The following ATF2 variants were observed in gnomAD, a reference collection of about 807,000 sequenced individuals.
ATF2 encodes activating transcription factor 2, also known as cyclic AMP-dependent transcription factor ATF-2.
In ATF2, 24 loss-of-function variants were observed where a neutral mutation model predicts 60.6. The observed-to-expected ratio is 0.40, with a 90% CI of 0.29 to 0.56. The LOEUF is 0.56. ATF2 is among the 20% of genes least tolerant of loss of function. The pLI is 0.54. For synonymous variants in ATF2, 206 were observed against 215.4 expected (o/e 0.96, Z 0.38); for missense variants, 433 against 607.7 (o/e 0.71, Z 3.02).
rs556187035 is a variant in ATF2 at position 175,130,013 on chromosome 2, T to C, written c.102+125A>G. On this transcript the variant is annotated intron_variant, in intron 4 of 13. Coordinates refer to ENST00000264110, the MANE Select transcript of ATF2 (RefSeq NM_001880.4). ...CTTGCCAAAAGTTTCCTGGGTTTTT[T>C]TTCATCCTAACTCTAAAATTTTACA... is the stretch of plus-strand genomic sequence containing the variant. The C allele has an allele frequency of 2.9e-5, 21 of 736,736 alleles. No homozygotes were observed. In the South Asian group the frequency reaches 6.0e-4, roughly 21 times the overall value. The allele number at this position is 736,736 out of a possible 1,614,324, so 45.6% of individuals were successfully genotyped here. A position where few individuals can be genotyped will look rare whatever the true frequency, so the allele number is the denominator to read the frequency against.
intron 1 of ATF2, among the ~76,000 whole-genome samples, chr2:175,166,188 A>C (rs373557450): frequency 3.9e-5 from 6 of 152,222 alleles, no homozygotes; most frequent in African/African-American, 1.2e-4. Context: ...CCTTCCTGAC[A>C]ATTAAAATAC....
intron 5 of ATF2, 122 bp from the exon 6 acceptor site, chr2:175,118,491 G>T: frequency 1.3e-6 from 1 of 798,280 alleles, no homozygotes. Flanking sequence ...TCTTTGGAAA[G>T]ACCTCTTCCT....
chr2:175,142,802 AAG>A (rs1302395060), intron 2 of ATF2, among the ~76,000 whole-genome samples: 2 of 136,758 alleles, frequency 1.5e-5, no homozygotes, highest in Non-Finnish European at 1.6e-5. Context: ...GAGAAACAGA[AAG>A]AGAGAGCAAC....
chr2:175,124,365 T>A (rs1323002904), intron 4 of ATF2, among the ~76,000 whole-genome samples: 1 of 151,750 alleles, frequency 6.6e-6, no homozygotes, highest in Non-Finnish European at 1.5e-5. Flanking sequence ...GGGTAACCTG[T>A]CAGATGGGAA....
At chr2:175,143,936 G>C (rs953132154) in intron 2 of ATF2, among the ~76,000 whole-genome samples, 3 of 151,878 alleles carry the variant, frequency 2.0e-5, no homozygotes, top group Admixed American at 2.0e-4. Flanking sequence ...TGGAACCACA[G>C]GTGTATACCA....
intron 10 of ATF2, among the ~76,000 whole-genome samples, chr2:175,098,742 AT>A (rs1695109842): frequency 6.6e-6 from 1 of 152,204 alleles, no homozygotes; most frequent in Non-Finnish European, 1.5e-5. Flanking sequence ...AGACCCCCAA[AT>A]AATACCAGTA....
intron 1 of ATF2, among the ~76,000 whole-genome samples, 159 bp from the exon 2 acceptor site, chr2:175,151,317 T>C (rs1282161509): frequency 6.6e-6 from 1 of 152,166 alleles, no homozygotes; most frequent in African/African-American, 2.4e-5. Flanking sequence ...TTTTTCAATA[T>C]AAAACTTAAG....
intron 4 of ATF2, among the ~76,000 whole-genome samples, chr2:175,128,227 G>A (rs140819550): frequency 1.1e-3 from 166 of 152,296 alleles, no homozygotes; most frequent in African/African-American, 3.6e-3. Context: ...CTGGCTGGGC[G>A]CGGTGGCTCA....
chr2:175,165,042 T>G (rs1407143940), intron 1 of ATF2, among the ~76,000 whole-genome samples: 5 of 151,964 alleles, frequency 3.3e-5, no homozygotes, highest in Admixed American at 2.6e-4. Context: ...AGGCTGGTCT[T>G]GAACTCCTGA....
intron 2 of ATF2, among the ~76,000 whole-genome samples, chr2:175,136,706 A>T (rs561227635): frequency 1.3e-5 from 2 of 152,282 alleles, no homozygotes; most frequent in African/African-American, 4.8e-5. Context: ...CACCAAAGGG[A>T]TTAAAAGTGG....
chr2:175,095,365 T>C (rs569294467), intron 11 of ATF2, among the ~76,000 whole-genome samples: 1 of 152,344 alleles, frequency 6.6e-6, no homozygotes, highest in Middle Eastern at 3.4e-3. Flanking sequence ...GTGCTGGGAT[T>C]ATAGGCGTGA....
chr2:175,083,404 C>T (rs1242207383), intron 12 of ATF2, among the ~76,000 whole-genome samples: 2 of 152,134 alleles, frequency 1.3e-5, no homozygotes, highest in East Asian at 3.8e-4. Context: ...GGAAAGGATT[C>T]CCTATTTAAT....
rs191951371 is a variant in ATF2 at position 175,164,598 on chromosome 2, T to C, written c.-143+3452A>G. On this transcript the variant is annotated intron_variant, in intron 1 of 13. Transcript: ENST00000264110. ...AAAGATCCACAAATTTCCTTGATTT[T>C]CTATGAAACTATCTTATACCTTACT... Among the ~76,000 whole-genome samples the C allele has an allele frequency of 2.0e-5, 3 of 152,342 alleles. No individual in the cohort carries two copies. In the East Asian group the frequency reaches 5.8e-4, roughly 29 times the overall value.
intron 2 of ATF2, among the ~76,000 whole-genome samples, chr2:175,141,349 T>A (rs146912946): frequency 0.013 from 2,051 of 151,990 alleles, 26 homozygotes; most frequent in Middle Eastern, 0.024. Context: ...TCTCTCTGTC[T>A]CCTACTGGCA....
At chr2:175,114,501 T>C in intron 8 of ATF2, 189 bp downstream of exon 8, 1 of 1,303,896 alleles carries the variant, frequency 7.7e-7, no homozygotes, top group Non-Finnish European at 9.8e-7. Flanking sequence ...TTTAGTTGTA[T>C]TTATCTCCCA....
At chr2:175,075,053 C>G in intron 13 of ATF2, 1 of 1,414,220 alleles carries the variant, frequency 7.1e-7, no homozygotes, top group Non-Finnish European at 9.2e-7. Context: ...TCTGGGTGCC[C>G]ACTGCCTTAT....
At chr2:175,167,881 G>A (rs1377386445) in intron 1 of ATF2, 169 bp downstream of exon 1, 3 of 392,204 alleles carry the variant, frequency 7.6e-6, no homozygotes, top group South Asian at 3.8e-5. Context: ...CCGCCGAGGT[G>A]GCAGCACAGC....
intron 1 of ATF2, among the ~76,000 whole-genome samples, chr2:175,159,242 C>T (rs1316303944): frequency 6.6e-6 from 1 of 151,794 alleles, no homozygotes; most frequent in Non-Finnish European, 1.5e-5. Flanking sequence ...CTGCTTGAGC[C>T]TGGGAGGTGG....
chr2:175,157,422 C>A (rs1446296125), intron 1 of ATF2, among the ~76,000 whole-genome samples: 1 of 152,094 alleles, frequency 6.6e-6, no homozygotes, highest in Non-Finnish European at 1.5e-5. Context: ...CTCGATTGGG[C>A]AAGAAGCAAA....
Sources: gnomAD v4.1 joint callset for allele counts (sites outside exome capture counted in the v4.1 genomes callset) on GRCh38, gnomAD v4.1.1 for gene constraint, MANE v1.5 for transcripts, NCBI Gene and HGNC (gene_info 2026-07-23, HGNC 2026-07-21) for gene names.